Variants in LRP1B observed in about 807,000 individuals in gnomAD.
LRP1B encodes the protein LDL receptor related protein 1B.
Under a neutral mutation model 556.6 loss-of-function variants are expected in LRP1B, and 217 were observed. The observed-to-expected ratio is 0.39, with a 90% CI of 0.35 to 0.44. LRP1B has a LOEUF of 0.44. Ranked by LOEUF, LRP1B falls within the 20% of genes least tolerant of loss-of-function variation. LRP1B has a pLI of 1.00. For missense variants in LRP1B, 5,053 were observed against 5,620.8 expected, an observed-to-expected ratio of 0.90 and a Z score of 3.23; for synonymous variants, 2,047 against 1,865.8, an observed-to-expected ratio of 1.10 and a Z score of -2.50.
chr2:141,998,348 C>A (rs1702557023), intron 1 of LRP1B, among the ~76,000 whole-genome samples: 1 of 151,992 alleles, frequency 6.6e-6, no homozygotes, highest in Non-Finnish European at 1.5e-5. Flanking sequence ...TCTGTGAGGA[C>A]CATATGCTAT....
intron 3 of LRP1B, among the ~76,000 whole-genome samples, chr2:141,254,847 G>A (rs1684400701): frequency 1.3e-5 from 2 of 151,868 alleles, no homozygotes; most frequent in Non-Finnish European, 2.9e-5. Context: ...AATCTGTTTG[G>A]TCTCCCGCTT....
At position 140,687,001 on chromosome 2, in the gene LRP1B, T is replaced by C. The variant is rs1686073226; in HGVS notation, c.6799+13249A>G. ...GAAATGCAGAATAATGATTACAGGA[T>C]GCAGGTAAAGAAAAAAGGAGACTAA... is the stretch of plus-strand genomic sequence containing the variant. On this transcript the variant is annotated intron_variant, in intron 41 of 90. Coordinates refer to ENST00000389484, the MANE Select transcript of LRP1B (RefSeq NM_018557.3). Among the ~76,000 whole-genome samples, 4 of 152,058 alleles carry C rather than the reference T, an allele frequency of 2.6e-5. No individual in the cohort carries two copies. In the South Asian group the frequency reaches 8.3e-4, roughly 31 times the overall value.
At chr2:141,395,339 G>A (rs1690202721) in intron 3 of LRP1B, among the ~76,000 whole-genome samples, 1 of 151,892 alleles carries the variant, frequency 6.6e-6, no homozygotes, top group African/African-American at 2.4e-5. Flanking sequence ...CTTTTTCTAA[G>A]TTTATATATG....
At chr2:141,501,576 G>A (rs1384922452) in intron 2 of LRP1B, among the ~76,000 whole-genome samples, 1 of 152,104 alleles carries the variant, frequency 6.6e-6, no homozygotes, top group Non-Finnish European at 1.5e-5. Flanking sequence ...ACAACATTTT[G>A]TTATTGTTGT....
intron 1 of LRP1B, among the ~76,000 whole-genome samples, chr2:142,075,812 G>A (rs1229117622): frequency 6.6e-6 from 1 of 152,010 alleles, no homozygotes; most frequent in Non-Finnish European, 1.5e-5. Context: ...GGAAGTTCAG[G>A]GCAAAGCAGA....
intron 3 of LRP1B, among the ~76,000 whole-genome samples, chr2:141,258,545 C>T (rs1212299924): frequency 6.6e-6 from 1 of 152,138 alleles, no homozygotes; most frequent in East Asian, 1.9e-4. Flanking sequence ...GAAGATTCCC[C>T]TGACACAGAT....
intron 1 of LRP1B, among the ~76,000 whole-genome samples, chr2:142,008,925 C>T (rs1224399608): frequency 1.3e-5 from 2 of 151,994 alleles, no homozygotes; most frequent in Admixed American, 1.3e-4. Context: ...TTTAGTCTTG[C>T]TCTTCATCAC....
intron 43 of LRP1B, among the ~76,000 whole-genome samples, chr2:140,557,578 A>G (rs1680779344): frequency 6.6e-6 from 1 of 152,058 alleles, no homozygotes; most frequent in Non-Finnish European, 1.5e-5. Context: ...CTCTGGAACT[A>G]TTATCTACTG....
intron 3 of LRP1B, among the ~76,000 whole-genome samples, chr2:141,375,729 G>A (rs967157450): frequency 1.3e-5 from 2 of 152,160 alleles, no homozygotes; most frequent in Non-Finnish European, 2.9e-5. Context: ...GACCAGATAA[G>A]ATAGGGCCCC....
At chr2:141,061,861 G>C (rs1047000367) in intron 8 of LRP1B, among the ~76,000 whole-genome samples, 190 bp downstream of exon 8, 13 of 151,658 alleles carry the variant, frequency 8.6e-5, no homozygotes, top group African/African-American at 3.1e-4. Flanking sequence ...GAGCAAGAGA[G>C]GCATCTCCAA....
At chr2:141,932,685 A>G (rs986997380) in intron 1 of LRP1B, among the ~76,000 whole-genome samples, 1 of 152,074 alleles carries the variant, frequency 6.6e-6, no homozygotes, top group African/African-American at 2.4e-5. Context: ...ATAGATTTTT[A>G]ATTCATGACT....
intron 43 of LRP1B, among the ~76,000 whole-genome samples, chr2:140,590,111 T>C (rs17806583): frequency 0.15 from 22,840 of 151,792 alleles, 2,230 homozygotes; most frequent in South Asian, 0.28. Context: ...TAAGCACAAA[T>C]GCATATGTCG....
At chr2:141,875,743 C>T (rs1698735543) in intron 1 of LRP1B, among the ~76,000 whole-genome samples, 1 of 151,852 alleles carries the variant, frequency 6.6e-6, no homozygotes, top group Non-Finnish European at 1.5e-5. Context: ...GAAGTCTGGA[C>T]TGGTTAATTC....
chr2:140,747,893 T>C (rs184005155), intron 35 of LRP1B, among the ~76,000 whole-genome samples: 3 of 151,360 alleles, frequency 2.0e-5, no homozygotes, highest in Admixed American at 1.3e-4. Context: ...GTATCAGGGG[T>C]TATATGTGAT....
chr2:141,864,548 A>G (rs1397905618), intron 1 of LRP1B, among the ~76,000 whole-genome samples: 1 of 141,474 alleles, frequency 7.1e-6, no homozygotes, highest in Non-Finnish European at 1.5e-5. Flanking sequence ...TTTATTTTGC[A>G]TTAAAATCTT....
At chr2:140,529,649 T>C (rs1446181328) in intron 47 of LRP1B, among the ~76,000 whole-genome samples, 2 of 151,920 alleles carry the variant, frequency 1.3e-5, no homozygotes, top group Non-Finnish European at 2.9e-5. Flanking sequence ...AAAAAACAAA[T>C]GCCAGTTTCC....
At chr2:141,653,128 G>A (rs931793141) in intron 2 of LRP1B, among the ~76,000 whole-genome samples, 5 of 152,292 alleles carry the variant, frequency 3.3e-5, no homozygotes, top group Admixed American at 3.3e-4. Flanking sequence ...GAATCTGTAA[G>A]GTTACTGGAA....
chr2:141,896,019 C>T (rs1699442777), intron 1 of LRP1B, among the ~76,000 whole-genome samples: 1 of 152,014 alleles, frequency 6.6e-6, no homozygotes, highest in African/African-American at 2.4e-5. Context: ...ATTATGTTTT[C>T]ATCAGTGCTA....
chr2:141,895,375 C>A (rs1574471898), intron 1 of LRP1B, among the ~76,000 whole-genome samples: 2 of 152,060 alleles, frequency 1.3e-5, no homozygotes, highest in East Asian at 3.9e-4. Flanking sequence ...GCCATTGAAG[C>A]TGTGTATCAA....
Sources: allele counts gnomAD v4.1 joint callset (sites outside exome capture counted in the v4.1 genomes callset), GRCh38; gene constraint gnomAD v4.1.1; transcripts MANE v1.5; gene names NCBI Gene and HGNC (gene_info 2026-07-23, HGNC 2026-07-21).